The following DGKB variants were observed in gnomAD, a reference collection of about 807,000 sequenced individuals.
DGKB encodes the protein diacylglycerol kinase beta.
Under a neutral mutation model 114.3 loss-of-function variants are expected in DGKB, and 67 were observed. The observed-to-expected ratio is 0.59, with a 90% confidence interval of 0.48 to 0.72. The LOEUF (loss-of-function observed/expected upper bound fraction) is 0.72, where lower values mean the gene tolerates loss of function less well. Ranked by LOEUF, DGKB falls within the 30% of genes least tolerant of loss-of-function variation. The pLI, the probability that DGKB is intolerant of heterozygous loss-of-function variation, is 0.00. For synonymous variants in DGKB, 398 were observed against 323.1 expected (o/e 1.23, Z -2.49); for missense variants, 907 against 975.2 (o/e 0.93, Z 0.93).
chr7:14,211,233 T>C (rs946281868), intron 23 of DGKB, among the ~76,000 whole-genome samples: 9 of 152,210 alleles, frequency 5.9e-5, no homozygotes, highest in South Asian at 2.1e-4. Flanking sequence ...ATTCCTGCAG[T>C]ATTTGAAACG....
At chr7:14,872,361 C>T (rs1852600888) in intron 1 of DGKB, among the ~76,000 whole-genome samples, 1 of 152,154 alleles carries the variant, frequency 6.6e-6, no homozygotes, top group South Asian at 2.1e-4. Context: ...CTCAGGATCT[C>T]CGCAGAGCAC....
intron 23 of DGKB, among the ~76,000 whole-genome samples, chr7:14,210,150 A>G (rs1022876714): frequency 2.6e-5 from 4 of 152,082 alleles, no homozygotes; most frequent in Admixed American, 2.6e-4. Context: ...AGTAATCTTG[A>G]CTGCTAGCAT....
chr7:14,634,117 T>C (rs186047656), intron 13 of DGKB, among the ~76,000 whole-genome samples: 90 of 151,352 alleles, frequency 5.9e-4, no homozygotes, highest in African/African-American at 2.1e-3. Flanking sequence ...TTAAAAATGA[T>C]ACCTTATACC....
chr7:14,942,817 T>TA lies in DGKB; in HGVS notation c.-188+31878dup, dbSNP rs554972074. Among the ~76,000 whole-genome samples, 25 of 152,198 alleles carry TA rather than the reference T, an allele frequency of 1.6e-4. 1 individual carries two copies. In the South Asian group the frequency reaches 4.3e-3, roughly 26 times the overall value. ...TTCAAAAGTCTTCTCCTTATCCCCTTACCTAAAATACCTTTTGCATTTCAC... is the reference window on the plus strand; with the variant it reads ...TTCAAAAGTCTTCTCCTTATCCCCTTAACCTAAAATACCTTTTGCATTTCAC... On this transcript the variant is annotated intron_variant, in intron 1 of 4. Transcript: ENST00000437998.
chr7:14,321,849 A>G (rs1807882790), intron 23 of DGKB, among the ~76,000 whole-genome samples: 1 of 152,222 alleles, frequency 6.6e-6, no homozygotes, highest in African/African-American at 2.4e-5. Flanking sequence ...ACAGCTACAT[A>G]GAAAGTTATA....
At chr7:14,955,490 C>T (rs1352676992) in intron 1 of DGKB, among the ~76,000 whole-genome samples, 1 of 152,040 alleles carries the variant, frequency 6.6e-6, no homozygotes, top group African/African-American at 2.4e-5. Flanking sequence ...CTTCTGGAAG[C>T]CTCAAGTGAC....
At chr7:14,150,762 GTC>G (rs1562476268) in intron 25 of DGKB, among the ~76,000 whole-genome samples, 1 of 152,022 alleles carries the variant, frequency 6.6e-6, no homozygotes, top group Non-Finnish European at 1.5e-5. Context: ...CTCTCAATAA[GTC>G]AGCATTAGAG....
At chr7:14,313,390 C>A (rs1805762456) in intron 23 of DGKB, among the ~76,000 whole-genome samples, 1 of 152,012 alleles carries the variant, frequency 6.6e-6, no homozygotes, top group South Asian at 2.1e-4. Context: ...GAGCGCCAGA[C>A]AGTGGGCGCA....
chr7:14,344,097 A>G (rs1317436064), intron 22 of DGKB, among the ~76,000 whole-genome samples: 7 of 150,148 alleles, frequency 4.7e-5, no homozygotes, highest in Non-Finnish European at 1.0e-4. Context: ...CATTTTATAT[A>G]CAGTTATTTG....
chr7:14,907,786 C>T (rs1446473273), upstream of DGKB, among the ~76,000 whole-genome samples: 1 of 152,120 alleles, frequency 6.6e-6, no homozygotes, highest in Non-Finnish European at 1.5e-5. Flanking sequence ...GCAATTCTTC[C>T]TCTGCTTCGA....
In DGKB at chr7:14,735,086, C is replaced by G. The variant is rs139643054; in HGVS notation, c.322+955G>C. On this transcript the variant is annotated intron_variant, in intron 5 of 25. Transcript: ENST00000402815. ...TGCAGACTCTAAAGCAGTGTAGGCT[C>G]TAGTCTCTAGCTCATGTCCACACCA... 2.8e-3 allele frequency among the ~76,000 whole-genome samples: 427 copies of G among 152,230 alleles called. 1 individual carries two copies. Among genetic ancestry groups the G allele is most frequent in the Middle Eastern group, 6.8e-3 (2 of 294 alleles).
rs1786460684 is a variant in DGKB, at chr7:14,503,089, T to C, written c.1771-24864A>G. 2.0e-5 allele frequency among the ~76,000 whole-genome samples: 3 copies of C among 152,148 alleles called. No homozygotes were observed. In the South Asian group the frequency reaches 6.2e-4, roughly 32 times the overall value. ...TTATGCCTCTCCAGAATCTAATTTC[T>C]GTAAAATATCTGCGTGCTTGTGCTT... On this transcript the variant is annotated intron_variant, in intron 20 of 25. Transcript: ENST00000402815.
intron 2 of DGKB, among the ~76,000 whole-genome samples, chr7:14,814,413 C>G (rs1843828663): frequency 6.6e-6 from 1 of 152,090 alleles, no homozygotes; most frequent in African/African-American, 2.4e-5. Context: ...CCTACATTAC[C>G]TCTCCCTTCT....
At chr7:14,446,043 GAATA>G (rs1830683250) in intron 21 of DGKB, among the ~76,000 whole-genome samples, 1 of 151,962 alleles carries the variant, frequency 6.6e-6, no homozygotes, top group Admixed American at 6.6e-5. Context: ...TGACTTAATT[GAATA>G]TCTAGTTCCC....
At chr7:14,916,644 A>G (rs769415538) in intron 1 of DGKB, among the ~76,000 whole-genome samples, 5 of 152,128 alleles carry the variant, frequency 3.3e-5, no homozygotes, top group Non-Finnish European at 5.9e-5. Context: ...ATTAAAGAAC[A>G]TGAGGCAAAA....
At chr7:14,478,888 C>A (rs537434891) in intron 20 of DGKB, among the ~76,000 whole-genome samples, 1 of 152,010 alleles carries the variant, frequency 6.6e-6, no homozygotes, top group African/African-American at 2.4e-5. Flanking sequence ...CCAAGTGCAT[C>A]GGTTCTGACC....
At chr7:14,229,564 G>A (rs897012197) in intron 23 of DGKB, among the ~76,000 whole-genome samples, 4 of 151,920 alleles carry the variant, frequency 2.6e-5, no homozygotes, top group African/African-American at 7.2e-5. Flanking sequence ...ATATGAACAC[G>A]TGTATCTATA....
rs1300982134 is a variant in DGKB, at chr7:14,338,568, G to C, written c.2069C>G (p.Ser690Cys). The change falls in exon 23 of 26, where the codon TCT becomes TGT. Residue 690 changes from serine (S) to cysteine (C), a missense_variant. Physicochemically the swap from Ser to Cys is moderately radical, Grantham distance 112. Transcript: ENST00000402815. Reference sequence around the variant, plus strand: ...ATCTGTGACGGTGGTCCTTTTGTCAGACCCTTTTTTCTCTATTCGTCGATG... The same window carrying C: ...ATCTGTGACGGTGGTCCTTTTGTCACACCCTTTTTTCTCTATTCGTCGATG... ...RSHRRIEKKGSDKRTTVTDAK... is the reference protein window; with the variant it reads ...RSHRRIEKKGCDKRTTVTDAK... 2.5e-6 allele frequency: 4 copies of C among 1,607,554 alleles called. No homozygotes were observed. Among genetic ancestry groups the C allele is most frequent in the East Asian group, 2.2e-5 (1 of 44,590 alleles).
At chr7:14,479,738 G>A (rs1023976056) in intron 20 of DGKB, among the ~76,000 whole-genome samples, 1 of 151,984 alleles carries the variant, frequency 6.6e-6, no homozygotes, top group African/African-American at 2.4e-5. Context: ...TGTGGTATGA[G>A]ATTACAGGAA....
Sources: allele counts gnomAD v4.1 joint callset (sites outside exome capture counted in the v4.1 genomes callset), GRCh38; gene constraint gnomAD v4.1.1; transcripts MANE v1.5; gene names NCBI Gene and HGNC (gene_info 2026-07-23, HGNC 2026-07-21).